The following ADAMTSL1 variants were observed in gnomAD, a reference collection of about 807,000 sequenced individuals.
ADAMTSL1 encodes the protein ADAMTS like 1.
In ADAMTSL1, 126 loss-of-function variants were observed where a neutral mutation model predicts 201.8. The observed-to-expected ratio is 0.62, with a 90% CI of 0.54 to 0.72. The LOEUF (loss-of-function observed/expected upper bound fraction) is 0.72. ADAMTSL1 is among the 30% of genes least tolerant of loss of function. The probability of loss-of-function intolerance (pLI) is 0.00; values close to 1 mark genes in which losing one functional copy is unlikely to be tolerated. For missense variants in ADAMTSL1, 2,679 were observed against 2,277.8 expected, an observed-to-expected ratio of 1.18 and a Z score of -3.59; for synonymous variants, 1,121 against 903.4, an observed-to-expected ratio of 1.24 and a Z score of -4.32.
intron 4 of ADAMTSL1, among the ~76,000 whole-genome samples, chr9:18,608,102 C>T (rs943467184): frequency 1.3e-5 from 2 of 152,182 alleles, no homozygotes; most frequent in Non-Finnish European, 2.9e-5. Context: ...ATTGGAAATG[C>T]CTTTTCTTCT....
At chr9:18,085,486 T>TATATATATATACACTGTGTGTGC (rs1554692342) in intron 1 of ADAMTSL1, among the ~76,000 whole-genome samples, 1 of 144,850 alleles carries the variant, frequency 6.9e-6, no homozygotes, top group African/African-American at 2.6e-5. Context: ...TGTGTGCATA[T>TATATATATATACACTGTGTGTGC]ATATATATAT....
intron 15 of ADAMTSL1, among the ~76,000 whole-genome samples, chr9:18,748,293 C>T (rs1347758022): frequency 6.6e-6 from 1 of 152,230 alleles, no homozygotes; most frequent in Non-Finnish European, 1.5e-5. Flanking sequence ...TTACCACCCT[C>T]CTTATCTAGG....
At chr9:18,646,943 G>C (rs2132870310) in intron 7 of ADAMTSL1, among the ~76,000 whole-genome samples, 1 of 152,164 alleles carries the variant, frequency 6.6e-6, no homozygotes, top group East Asian at 1.9e-4. Context: ...TCTATTGATT[G>C]GAATAGTTTC....
intron 3 of ADAMTSL1, among the ~76,000 whole-genome samples, chr9:18,568,909 G>A (rs925734337): frequency 6.6e-6 from 1 of 152,014 alleles, no homozygotes; most frequent in African/African-American, 2.4e-5. Flanking sequence ...GAATATTTAA[G>A]GGAAGAGGAA....
intron 1 of ADAMTSL1, among the ~76,000 whole-genome samples, chr9:18,067,729 T>C (rs1411246): frequency 0.015 from 2,251 of 152,274 alleles, 69 homozygotes; most frequent in South Asian, 0.05. Context: ...TTGGAGAGTC[T>C]TGTCTGGAGG....
chr9:18,298,701 C>T (rs1320117573), intron 2 of ADAMTSL1, among the ~76,000 whole-genome samples: 1 of 150,742 alleles, frequency 6.6e-6, no homozygotes, highest in Non-Finnish European at 1.5e-5. Context: ...TGGAAGTAAG[C>T]AGTTTTCTCC....
intron 3 of ADAMTSL1, among the ~76,000 whole-genome samples, chr9:18,572,830 C>A (rs1822425030): frequency 6.6e-6 from 1 of 152,094 alleles, no homozygotes; most frequent in African/African-American, 2.4e-5. Flanking sequence ...CAGGGAACTG[C>A]TGAAGGCTAC....
At chr9:18,566,989 G>A (rs142914454) in intron 3 of ADAMTSL1, among the ~76,000 whole-genome samples, 217 of 152,220 alleles carry the variant, frequency 1.4e-3, no homozygotes, top group Admixed American at 3.1e-3. Context: ...TTCTCAAAGC[G>A]GGTTTGCCAA....
intron 2 of ADAMTSL1, among the ~76,000 whole-genome samples, chr9:18,171,690 C>T (rs772896187): frequency 6.6e-6 from 1 of 152,106 alleles, no homozygotes; most frequent in Non-Finnish European, 1.5e-5. Flanking sequence ...TTAATCAGAT[C>T]CCATTTGTCT....
chr9:18,537,071 C>A (rs1236863261), intron 3 of ADAMTSL1, among the ~76,000 whole-genome samples: 1 of 150,810 alleles, frequency 6.6e-6, no homozygotes, highest in Non-Finnish European at 1.5e-5. Context: ...CTCACTATAA[C>A]ATTTTACTGT....
intron 2 of ADAMTSL1, among the ~76,000 whole-genome samples, chr9:18,233,676 T>C (rs936418505): frequency 6.6e-6 from 1 of 152,130 alleles, no homozygotes; most frequent in Non-Finnish European, 1.5e-5. Context: ...AACACCTTAT[T>C]GGAAAGAATG....
intron 2 of ADAMTSL1, among the ~76,000 whole-genome samples, chr9:18,176,007 C>CAAAA (rs57982328): frequency 3.2e-5 from 2 of 62,572 alleles, no homozygotes; most frequent in African/African-American, 1.4e-4. Flanking sequence ...AGAGGGAAAG[C>CAAAA]AAAAAAAAAA....
intron 12 of ADAMTSL1, among the ~76,000 whole-genome samples, chr9:18,684,406 A>T (rs541320760): frequency 1.3e-5 from 2 of 152,354 alleles, no homozygotes; most frequent in South Asian, 4.1e-4. Context: ...TGGTAAAAAG[A>T]TACTTCGATG....
intron 1 of ADAMTSL1, among the ~76,000 whole-genome samples, chr9:18,128,689 C>T (rs1176423082): frequency 6.6e-5 from 10 of 152,150 alleles, no homozygotes; most frequent in South Asian, 2.1e-4. Flanking sequence ...TCTAGAAATT[C>T]AGTAATTCAG....
At chr9:18,705,618 G>C (rs1427248876) in intron 13 of ADAMTSL1, among the ~76,000 whole-genome samples, 1 of 152,166 alleles carries the variant, frequency 6.6e-6, no homozygotes, top group Non-Finnish European at 1.5e-5. Flanking sequence ...TACATGTGTA[G>C]CACGGCTTTT....
intron 23 of ADAMTSL1, among the ~76,000 whole-genome samples, chr9:18,867,986 C>G (rs1243644443): frequency 6.6e-6 from 1 of 152,170 alleles, no homozygotes; most frequent in African/African-American, 2.4e-5. Context: ...TTCACCTTGT[C>G]TAACATATAT....
At position 18,777,884 on chromosome 9, in the gene ADAMTSL1, G is replaced by A. The variant is rs759894802; in HGVS notation, c.3655G>A (p.Glu1219Lys). Residue 1219 changes from glutamate to lysine, a missense_variant, in exon 19 of 29, where the codon GAA becomes AAA. Transcript: ENST00000380548. ...RPTISWARNG[E>K]EVQFSDRILL... ...TACCATCAGCTGGGCCAGGAATGGA[G>A]AAGAAGTTCAGTTCAGTGACAGGTG... The A allele has an allele frequency of 7.7e-5, 120 of 1,554,874 alleles. No individual in the cohort carries two copies. The Admixed American group carries it at 2.2e-3, about 28-fold the overall frequency.
At chr9:18,231,960 C>T (rs980032006) in intron 2 of ADAMTSL1, among the ~76,000 whole-genome samples, 1 of 152,198 alleles carries the variant, frequency 6.6e-6, no homozygotes, top group Non-Finnish European at 1.5e-5. Flanking sequence ...GCCTTCCATG[C>T]TTCCATCCTC....
intron 21 of ADAMTSL1, among the ~76,000 whole-genome samples, chr9:18,818,865 C>T (rs1010885407): frequency 1.3e-5 from 2 of 152,138 alleles, no homozygotes; most frequent in Non-Finnish European, 2.9e-5. Context: ...TGTAAAGCTT[C>T]TCATGGCCTT....
Sources: gnomAD v4.1 joint callset for allele counts (sites outside exome capture counted in the v4.1 genomes callset) on GRCh38, gnomAD v4.1.1 for gene constraint, MANE v1.5 for transcripts, NCBI Gene and HGNC (gene_info 2026-07-23, HGNC 2026-07-21) for gene names.